Variants in CNTN3 observed in about 807,000 individuals in gnomAD.
CNTN3 encodes contactin 3, also known as contactin-3.
A neutral mutation model predicts 119.1 loss-of-function variants in CNTN3; 60 were observed. That is an observed-to-expected ratio of 0.50 (90% confidence interval 0.41 to 0.62). The LOEUF is 0.62. Among genes scored for constraint, CNTN3 ranks in the 20% least tolerant of loss-of-function variants. The probability of loss-of-function intolerance (pLI) is 0.00; values close to 1 mark genes in which losing one functional copy is unlikely to be tolerated. For missense variants in CNTN3, 1,101 were observed against 1,242.4 expected (o/e 0.89, Z 1.71); for synonymous variants, 450 against 438.7 (o/e 1.03, Z -0.32).
chr3:74,566,335 G>T (rs1704225662), intron 1 of CNTN3, among the ~76,000 whole-genome samples: 1 of 151,996 alleles, frequency 6.6e-6, no homozygotes, highest in Admixed American at 6.5e-5. Flanking sequence ...CAAAGGGAAG[G>T]TGTATTCAGT....
In CNTN3 at chr3:74,301,472, C is replaced by T. The variant is rs1165050805; in HGVS notation, c.2021G>A (p.Arg674Gln). The T allele has an allele frequency of 5.6e-6, 9 of 1,614,074 alleles. No individual in the cohort carries two copies. Among genetic ancestry groups the T allele is most frequent in the Admixed American group, 1.7e-5 (1 of 60,010 alleles). Reference protein sequence around the residue: ...ELNPWVEYEFRVVASNKIGGG... With the variant: ...ELNPWVEYEFQVVASNKIGGG... ...TCCAATTTTGTTACTGGCTACAACC[C>T]GAAATTCATATTCCACCCATGGGTT... is the stretch of plus-strand genomic sequence containing the variant. Residue 674 changes from arginine to glutamine, a missense_variant, in exon 16 of 23, where the codon CGG becomes CAG. Coordinates refer to ENST00000263665, the MANE Select transcript of CNTN3 (RefSeq NM_020872.3).
At chr3:74,528,044 T>C (rs1045697661) in intron 1 of CNTN3, among the ~76,000 whole-genome samples, 1 of 151,922 alleles carries the variant, frequency 6.6e-6, no homozygotes, top group Non-Finnish European at 1.5e-5. Flanking sequence ...AGGGTCTTAC[T>C]ACATATAATA....
At chr3:74,599,091 A>T (rs906919642) in intron 1 of CNTN3, among the ~76,000 whole-genome samples, 1 of 152,086 alleles carries the variant, frequency 6.6e-6, no homozygotes, top group Non-Finnish European at 1.5e-5. Flanking sequence ...ACATTGAGTG[A>T]TGCTAAAAAT....
At chr3:74,264,587 C>T in intron 22 of CNTN3, 86 bp from the exon 23 acceptor site, 1 of 782,430 alleles carries the variant, frequency 1.3e-6, no homozygotes, top group Non-Finnish European at 2.0e-6. Flanking sequence ...GTGGTGTTCC[C>T]CCCAAATTCT....
chr3:74,392,611 C>A (rs555009448), intron 5 of CNTN3, among the ~76,000 whole-genome samples: 18 of 152,220 alleles, frequency 1.2e-4, no homozygotes, highest in East Asian at 5.8e-4. Context: ...GTAGCATACA[C>A]GTTAGAGGAG....
intron 1 of CNTN3, among the ~76,000 whole-genome samples, chr3:74,589,370 T>A (rs1429049053): frequency 1.3e-5 from 2 of 148,776 alleles, no homozygotes; most frequent in Non-Finnish European, 3.0e-5. Context: ...TCATCATCAC[T>A]GGCCATCAGA....
chr3:74,523,054 C>T (rs1291791417), intron 1 of CNTN3, among the ~76,000 whole-genome samples: 1 of 151,784 alleles, frequency 6.6e-6, no homozygotes, highest in African/African-American at 2.4e-5. Context: ...ATTTTCCCTG[C>T]TTGGACCAAA....
chr3:74,495,070 C>A (rs1007605444), intron 3 of CNTN3, among the ~76,000 whole-genome samples: 5 of 151,982 alleles, frequency 3.3e-5, no homozygotes, highest in African/African-American at 1.2e-4. Context: ...GTCTTCATTC[C>A]ACCATGTGGC....
chr3:74,469,397 G>A (rs1702520047), intron 4 of CNTN3, among the ~76,000 whole-genome samples: 1 of 152,144 alleles, frequency 6.6e-6, no homozygotes, highest in African/African-American at 2.4e-5. Flanking sequence ...GATTTAAAGA[G>A]ATGACTCAAA....
At chr3:74,550,352 A>G (rs970650578) in intron 1 of CNTN3, among the ~76,000 whole-genome samples, 10 of 152,222 alleles carry the variant, frequency 6.6e-5, no homozygotes, top group Non-Finnish European at 1.5e-4. Context: ...AGATTGGTAG[A>G]TAAAGAATAG....
At chr3:74,466,839 C>T (rs898140074) in intron 4 of CNTN3, among the ~76,000 whole-genome samples, 4 of 151,988 alleles carry the variant, frequency 2.6e-5, no homozygotes, top group African/African-American at 2.4e-5. Flanking sequence ...ATTGATTGTA[C>T]GTCATTATGT....
At chr3:74,292,740 G>C (rs985355630) in intron 19 of CNTN3, among the ~76,000 whole-genome samples, 2 of 152,200 alleles carry the variant, frequency 1.3e-5, no homozygotes, top group African/African-American at 4.8e-5. Context: ...TCCAAACACA[G>C]CTGGCAAGTG....
At chr3:74,365,297 AAAAAAACGGTAGATTATTTT>A (rs1476103239) in intron 9 of CNTN3, among the ~76,000 whole-genome samples, 1 of 152,042 alleles carries the variant, frequency 6.6e-6, no homozygotes, top group Non-Finnish European at 1.5e-5. Context: ...TTTCAATACC[AAAAAAACGGTAGATTATTTT>A]ACAGACTAAA....
intron 1 of CNTN3, among the ~76,000 whole-genome samples, chr3:74,551,754 CTTTTTTTT>C (rs776621925): frequency 2.3e-4 from 14 of 60,204 alleles, no homozygotes; most frequent in Admixed American, 9.3e-4. Flanking sequence ...TCTTCTTCTT[CTTTTTTTT>C]TTTTTTTTTT....
At chr3:74,416,073 T>C (rs1701515378) in intron 5 of CNTN3, among the ~76,000 whole-genome samples, 1 of 152,132 alleles carries the variant, frequency 6.6e-6, no homozygotes, top group Non-Finnish European at 1.5e-5. Flanking sequence ...AACTTTTTCC[T>C]CCTCAACCAC....
intron 1 of CNTN3, among the ~76,000 whole-genome samples, chr3:74,595,452 T>C (rs1205221768): frequency 6.6e-6 from 1 of 152,124 alleles, no homozygotes; most frequent in Non-Finnish European, 1.5e-5. Flanking sequence ...CTTTAATCCA[T>C]CTTGAATTAA....
At chr3:74,369,813 G>A in intron 7 of CNTN3, 76 bp downstream of exon 7, 1 of 749,742 alleles carries the variant, frequency 1.3e-6, no homozygotes, top group Non-Finnish European at 2.2e-6. Flanking sequence ...AAAAAGAAGA[G>A]TCTCTCAAAA....
chr3:74,518,643 C>T (rs1404337150), intron 2 of CNTN3, among the ~76,000 whole-genome samples: 3 of 151,908 alleles, frequency 2.0e-5, no homozygotes, highest in Non-Finnish European at 2.9e-5. Context: ...TTATTAAACC[C>T]ACCAAATGGA....
intron 1 of CNTN3, among the ~76,000 whole-genome samples, chr3:74,546,730 G>A (rs1472510880): frequency 6.6e-6 from 1 of 152,046 alleles, no homozygotes; most frequent in East Asian, 1.9e-4. Context: ...ACTTGGACTG[G>A]CTTCCTTGCT....
Sources: gnomAD v4.1 joint callset for allele counts (sites outside exome capture counted in the v4.1 genomes callset) on GRCh38, gnomAD v4.1.1 for gene constraint, MANE v1.5 for transcripts, NCBI Gene and HGNC (gene_info 2026-07-23, HGNC 2026-07-21) for gene names.